MTIF2: variants seen among roughly 807,000 people sequenced by gnomAD.
The protein encoded by MTIF2 is mitochondrial translational initiation factor 2.
In MTIF2, 71 loss-of-function variants were observed where a neutral mutation model predicts 83.5. The ratio of observed to expected loss-of-function variants is 0.85; its 90% confidence interval spans 0.70 to 1.04. The LOEUF is 1.04. MTIF2 is among the 50% of genes least tolerant of loss of function. The pLI, the probability that MTIF2 is intolerant of heterozygous loss-of-function variation, is 0.00. For missense variants in MTIF2, 957 were observed against 846.5 expected (o/e 1.13, Z -1.62); for synonymous variants, 319 against 287.1 (o/e 1.11, Z -1.12).
chr2:55,244,472 A>T (rs967197401), intron 10 of MTIF2, among the ~76,000 whole-genome samples: 1 of 152,242 alleles, frequency 6.6e-6, no homozygotes, highest in Non-Finnish European at 1.5e-5. Flanking sequence ...CAGGAGTTCA[A>T]AGTCAGCCTA....
intron 8 of MTIF2, among the ~76,000 whole-genome samples, chr2:55,251,654 G>A (rs777932938): frequency 5.9e-5 from 9 of 152,026 alleles, no homozygotes; most frequent in Non-Finnish European, 1.0e-4. Context: ...ACGGAGTTTC[G>A]CTTTTGTTGC....
At chr2:55,237,499 T>A (rs1675939689) in intron 14 of MTIF2, 71 bp from the exon 15 acceptor site, 1 of 1,460,422 alleles carries the variant, frequency 6.8e-7, no homozygotes, top group Admixed American at 2.4e-5. Flanking sequence ...TCTGACATTC[T>A]GTGGTATAAG....
chr2:55,264,139 C>T, intron 3 of MTIF2, among the ~76,000 whole-genome samples: 1 of 152,114 alleles, frequency 6.6e-6, no homozygotes, highest in East Asian at 1.9e-4. Context: ...GCTCTTTTTT[C>T]ACTCTTGAAA....
At position 55,267,334 on chromosome 2, in the gene MTIF2, T is replaced by C. The variant is rs567283575; in HGVS notation, c.-8+235A>G. Reference sequence around the variant, plus strand: ...AGCACACCCGGCTAATTATTTTGTATTTTTAGTAGAGACGGGGTTTCACCG... The same window carrying C: ...AGCACACCCGGCTAATTATTTTGTACTTTTAGTAGAGACGGGGTTTCACCG... On this transcript the variant is annotated intron_variant, in intron 3 of 15. Transcript: ENST00000263629. Among the ~76,000 whole-genome samples the C allele has an allele frequency of 3.1e-3, 478 of 152,052 alleles. 3 individuals are homozygous for C. Among genetic ancestry groups the C allele is most frequent in the African/African-American group, 0.011 (474 of 41,496 alleles).
Position 55,246,377 on chromosome 2 carries a change from C to T in MTIF2, c.1066G>A (p.Glu356Lys), listed in dbSNP as rs1306536353. The change falls in exon 10 of 16, where the codon GAA becomes AAA. Residue 356 changes from glutamate (E) to lysine (K), a missense_variant. By Grantham distance (56) the Glu-to-Lys change is moderately conservative (BLOSUM62 1). This residue lies in a region of MTIF2 where 733 missense variants were observed against 648.7 expected (regional missense o/e 1.13). Coordinates refer to ENST00000263629, the MANE Select transcript of MTIF2 (RefSeq NM_002453.3). The part of the protein sequence containing the change: ...ELKADPNGPV[E>K]GTVIESFTDK... ...GTGAAAGACTCTATTACTGTTCCTTCCACTGGACCATTGGGATCTGCTTTC... is the reference window on the plus strand; with the variant it reads ...GTGAAAGACTCTATTACTGTTCCTTTCACTGGACCATTGGGATCTGCTTTC... 3 of 1,613,808 alleles carry T rather than the reference C, an allele frequency of 1.9e-6. No homozygotes were observed. Among genetic ancestry groups the T allele is most frequent in the Admixed American group, 3.3e-5 (2 of 59,986 alleles).
chr2:55,253,949 T>A (rs1677310274), intron 7 of MTIF2, 92 bp downstream of exon 7: 3 of 1,347,974 alleles, frequency 2.2e-6, no homozygotes, highest in Middle Eastern at 1.9e-4. Flanking sequence ...CCTTCTCTTG[T>A]ACTTTGAATT....
chr2:55,263,652 T>G lies in MTIF2; in HGVS notation c.207A>C (p.Leu69=). The change falls in exon 4 of 16, where the codon CTA becomes CTC. Residue 69 remains leucine (L), a synonymous_variant. Transcript: ENST00000263629. ...TGAALSQYRL[L]VTKKEEGPWK... is the part of the protein sequence containing the mutation. Reference sequence around the variant, plus strand: ...AATCTGTAACTACCTTTTTTGTTACTAGAAGCCTATACTGAGATAAAGCAG... The same window carrying G: ...AATCTGTAACTACCTTTTTTGTTACGAGAAGCCTATACTGAGATAAAGCAG... 2 of 1,601,600 alleles carry G rather than the reference T, an allele frequency of 1.2e-6. No homozygotes were observed. Among genetic ancestry groups the G allele is most frequent in the Non-Finnish European group, 1.7e-6 (2 of 1,176,046 alleles).
intron 5 of MTIF2, among the ~76,000 whole-genome samples, chr2:55,259,418 T>C (rs1430085105): frequency 2.0e-5 from 3 of 152,090 alleles, no homozygotes; most frequent in Non-Finnish European, 4.4e-5. Context: ...AGACTAAATT[T>C]GTATTTTAAT....
chr2:55,240,263 A>C, intron 13 of MTIF2, 88 bp from the exon 14 acceptor site: 1 of 1,246,380 alleles, frequency 8.0e-7, no homozygotes, highest in African/African-American at 1.5e-5. Flanking sequence ...TTGAATCTAA[A>C]TTGTTTTATT....
Position 55,262,511 on chromosome 2 carries a change from A to T in MTIF2, c.220-84T>A, listed in dbSNP as rs1678086945. 8 of 722,928 alleles carry T rather than the reference A, an allele frequency of 1.1e-5. No homozygotes were observed. In the South Asian group the frequency reaches 1.4e-4, roughly 13 times the overall value. The allele number at this position is 722,928 out of a possible 1,614,324, so 44.8% of individuals were successfully genotyped here. A position where few individuals can be genotyped will look rare whatever the true frequency, so the allele number is the denominator to read the frequency against. On this transcript the variant is annotated intron_variant, in intron 4 of 15. Coordinates refer to ENST00000263629, the MANE Select transcript of MTIF2 (RefSeq NM_002453.3). ...AGATTTATTCTCAAATATCTACCAC[A>T]ATCATAGCTACATTTCTTTCTTTTT... is the stretch of plus-strand genomic sequence containing the variant.
At chr2:55,260,172 G>C (rs1677853378) in intron 5 of MTIF2, among the ~76,000 whole-genome samples, 1 of 152,020 alleles carries the variant, frequency 6.6e-6, no homozygotes, top group African/African-American at 2.4e-5. Context: ...GGCCGAGGTG[G>C]GCGGATCACC....
At chr2:55,263,981 T>C in intron 3 of MTIF2, 116 bp from the exon 4 acceptor site, 1 of 744,510 alleles carries the variant, frequency 1.3e-6, no homozygotes, top group East Asian at 2.6e-5. Flanking sequence ...CTTACAACAA[T>C]GAGTAAAACT....
rs759408952 is a variant in MTIF2, at chr2:55,236,830, G to T, written c.2012-10C>A. On this transcript the variant is annotated splice_polypyrimidine_tract_variant and intron_variant, in intron 15 of 15. Transcript: ENST00000263629. ...AATGAGGTTAATGAGCCTTAAAAAA[G>T]ATAATTTAAGGTTAGTATATTCAAT... The T allele has an allele frequency of 1.0e-5, 16 of 1,559,704 alleles. No individual in the cohort carries two copies. Among genetic ancestry groups the T allele is most frequent in the Non-Finnish European group, 1.4e-5 (16 of 1,157,184 alleles).
chr2:55,263,492 C>A, intron 4 of MTIF2, 148 bp downstream of exon 4: 1 of 607,512 alleles, frequency 1.6e-6, no homozygotes, highest in Non-Finnish European at 2.9e-6. Context: ...TGCCTGTAAC[C>A]CCAGCTACTC....
chr2:55,245,415 T>A (rs1042375597), intron 10 of MTIF2, among the ~76,000 whole-genome samples: 1 of 151,994 alleles, frequency 6.6e-6, no homozygotes, highest in African/African-American at 2.4e-5. Flanking sequence ...CCCAGCTACT[T>A]GGGAGACTGA....
intron 5 of MTIF2, among the ~76,000 whole-genome samples, chr2:55,260,400 C>CAAAAAA: frequency 1.1e-5 from 1 of 87,420 alleles, no homozygotes; most frequent in Non-Finnish European, 2.4e-5. Flanking sequence ...AACTCTGTCT[C>CAAAAAA]AAAAAAAAAA....
intron 14 of MTIF2, among the ~76,000 whole-genome samples, chr2:55,239,268 A>G (rs1295117572): frequency 1.3e-5 from 2 of 149,356 alleles, no homozygotes; most frequent in African/African-American, 5.2e-5. Flanking sequence ...ATAAGATAGT[A>G]TCCTTTTGCT....
chr2:55,252,946 ACAGACCAATT>A (rs1452701691), intron 7 of MTIF2, among the ~76,000 whole-genome samples: 1 of 152,212 alleles, frequency 6.6e-6, no homozygotes, highest in Admixed American at 6.5e-5. Context: ...TAGAGACAGA[ACAGACCAATT>A]GTTGTACAGG....
chr2:55,242,851 G>A, intron 13 of MTIF2, 89 bp downstream of exon 13: 1 of 1,344,580 alleles, frequency 7.4e-7, no homozygotes, highest in Non-Finnish European at 1.0e-6. Context: ...TAAATGTCAG[G>A]TGTGACAAGC....
Sources: gnomAD v4.1 joint callset for allele counts (sites outside exome capture counted in the v4.1 genomes callset) on GRCh38, gnomAD v4.1.1 for gene constraint, gnomAD v4.1.1 regional missense constraint, MANE v1.5 for transcripts, NCBI Gene and HGNC (gene_info 2026-07-23, HGNC 2026-07-21) for gene names.